TENM2: variants seen among roughly 807,000 people sequenced by gnomAD.
TENM2 encodes teneurin transmembrane protein 2.
In TENM2, 52 loss-of-function variants were observed where a neutral mutation model predicts 245.2. That is an observed-to-expected ratio of 0.21 (90% CI 0.17 to 0.27). TENM2 has a LOEUF of 0.27. TENM2 is among the 10% of genes least tolerant of loss of function. The probability of loss-of-function intolerance (pLI) is 1.00; values close to 1 mark genes in which losing one functional copy is unlikely to be tolerated. For missense variants in TENM2, 3,046 were observed against 3,666.8 expected, an observed-to-expected ratio of 0.83 and a Z score of 4.37; for synonymous variants, 1,363 against 1,438.9, an observed-to-expected ratio of 0.95 and a Z score of 1.19.
chr5:167,832,143 C>T (rs1175523997), intron 2 of TENM2, among the ~76,000 whole-genome samples: 5 of 152,168 alleles, frequency 3.3e-5, no homozygotes, highest in African/African-American at 1.2e-4. Flanking sequence ...ATTTGTATCT[C>T]TTTTAATTGG....
intron 1 of TENM2, among the ~76,000 whole-genome samples, chr5:167,291,679 C>T (rs1754647075): frequency 6.6e-6 from 1 of 152,150 alleles, no homozygotes; most frequent in South Asian, 2.1e-4. Flanking sequence ...GTAGGTTTAT[C>T]CTGTGCTTGG....
chr5:167,494,446 C>A (rs1458884773), intron 2 of TENM2, among the ~76,000 whole-genome samples: 1 of 151,940 alleles, frequency 6.6e-6, no homozygotes. Context: ...AAAAGTCAAC[C>A]CAAGGGCAGT....
chr5:167,899,853 G>A (rs969298638), intron 3 of TENM2, among the ~76,000 whole-genome samples: 1 of 152,116 alleles, frequency 6.6e-6, no homozygotes, highest in Non-Finnish European at 1.5e-5. Context: ...AACGGCATCC[G>A]ACTCTTACAA....
chr5:167,146,164 C>T, the TENM2 span, among the ~76,000 whole-genome samples: 1 of 152,040 alleles, frequency 6.6e-6, no homozygotes, highest in Non-Finnish European at 1.5e-5. Context: ...TTCTGGGACC[C>T]AATTATTTAT....
chr5:166,993,089 G>A, the TENM2 span, among the ~76,000 whole-genome samples: 1 of 151,900 alleles, frequency 6.6e-6, no homozygotes, highest in Non-Finnish European at 1.5e-5. Context: ...GCTTGGAGAG[G>A]AACCAGGTGC....
chr5:167,823,998 C>T (rs1034019695), intron 2 of TENM2, among the ~76,000 whole-genome samples: 1 of 152,058 alleles, frequency 6.6e-6, no homozygotes, highest in Non-Finnish European at 1.5e-5. Context: ...GTGTGACCCA[C>T]CTTACCTAAT....
rs182541950 is a variant in TENM2 at position 167,992,798 on chromosome 5, T to C, written c.948-146T>C. 1.9e-4 allele frequency: 118 copies of C among 625,790 alleles called. No individual in the cohort carries two copies. In the East Asian group the frequency reaches 3.2e-3, roughly 17 times the overall value. 38.8% of individuals were successfully genotyped at this position (625,790 alleles called of 1,614,324 possible). A position where few individuals can be genotyped will look rare whatever the true frequency, so the allele number is the denominator to read the frequency against. On this transcript the variant is annotated intron_variant, in intron 4 of 28. Coordinates refer to ENST00000518659, the Ensembl canonical transcript of TENM2. ...AATTAATTTATGTCATCATCGAATG[T>C]AATGTTCGCCCCTTCTTCCACTCCA... is the stretch of plus-strand genomic sequence containing the variant.
intron 2 of TENM2, among the ~76,000 whole-genome samples, chr5:167,767,345 A>G (rs1763102160): frequency 6.6e-6 from 1 of 152,228 alleles, no homozygotes. Flanking sequence ...ATCTTAGAGT[A>G]GTCAGATTCA....
intron 2 of TENM2, among the ~76,000 whole-genome samples, chr5:167,591,799 T>C (rs1775894337): frequency 2.0e-5 from 3 of 152,222 alleles, no homozygotes; most frequent in Admixed American, 1.3e-4. Flanking sequence ...AGAATGATAG[T>C]TGGCATTCTC....
intron 14 of TENM2, among the ~76,000 whole-genome samples, chr5:168,192,181 C>T (rs965135861): frequency 6.6e-6 from 1 of 152,076 alleles, no homozygotes; most frequent in Non-Finnish European, 1.5e-5. Context: ...TCTTGTCATA[C>T]CCAACTAAAG....
intron 6 of TENM2, among the ~76,000 whole-genome samples, chr5:168,049,203 C>G (rs1190825415): frequency 1.3e-5 from 2 of 152,144 alleles, no homozygotes; most frequent in East Asian, 1.9e-4. Flanking sequence ...GTTAAACAAC[C>G]TATAATACAC....
the TENM2 span, among the ~76,000 whole-genome samples, chr5:167,025,727 A>G: frequency 6.6e-6 from 1 of 152,332 alleles, no homozygotes; most frequent in Admixed American, 6.5e-5. Flanking sequence ...TAGATTGGTT[A>G]ATGCCTGCCA....
chr5:167,151,231 G>C, the TENM2 span, among the ~76,000 whole-genome samples: 1 of 152,172 alleles, frequency 6.6e-6, no homozygotes, highest in Non-Finnish European at 1.5e-5. Flanking sequence ...CAGTGGAATT[G>C]ATGGCATTTC....
chr5:167,280,495 C>T (rs114100663), upstream of TENM2, among the ~76,000 whole-genome samples: 329 of 152,244 alleles, frequency 2.2e-3, no homozygotes, highest in African/African-American at 7.4e-3. Context: ...TGTCTACTTG[C>T]AGCCTCATTT....
chr5:167,884,781 A>T (rs1316532550), intron 3 of TENM2, among the ~76,000 whole-genome samples: 1 of 152,196 alleles, frequency 6.6e-6, no homozygotes, highest in Non-Finnish European at 1.5e-5. Flanking sequence ...CAAAAGTGGA[A>T]TCATTGAATC....
chr5:167,819,382 G>A (rs980709672), intron 2 of TENM2, among the ~76,000 whole-genome samples: 1 of 152,206 alleles, frequency 6.6e-6, no homozygotes, highest in Non-Finnish European at 1.5e-5. Flanking sequence ...GCATGTTCAG[G>A]AGAAGCTGTT....
At chr5:167,684,585 G>A (rs775549135) in intron 2 of TENM2, among the ~76,000 whole-genome samples, 4 of 152,046 alleles carry the variant, frequency 2.6e-5, no homozygotes, top group Non-Finnish European at 5.9e-5. Flanking sequence ...TTGCTAGATG[G>A]GAAACAAAGA....
intron 2 of TENM2, among the ~76,000 whole-genome samples, chr5:167,676,317 A>T (rs902887401): frequency 6.6e-6 from 1 of 151,948 alleles, no homozygotes; most frequent in Admixed American, 6.6e-5. Context: ...TTCTTTACTC[A>T]TTCTTCTTCA....
intron 3 of TENM2, among the ~76,000 whole-genome samples, chr5:167,916,818 CCTT>C (rs1479717492): frequency 1.3e-5 from 2 of 152,220 alleles, no homozygotes; most frequent in African/African-American, 4.8e-5. Context: ...CAGCTCAGTT[CCTT>C]CTTGGGGTAA....
Sources: gnomAD v4.1 joint callset for allele counts (sites outside exome capture counted in the v4.1 genomes callset) on GRCh38, gnomAD v4.1.1 for gene constraint, MANE v1.5 for transcripts, NCBI Gene and HGNC (gene_info 2026-07-23, HGNC 2026-07-21) for gene names.